The following ZNF385D variants were observed in gnomAD, a reference collection of about 807,000 sequenced individuals.
ZNF385D encodes the protein zinc finger protein 659.
Under a neutral mutation model 35.8 loss-of-function variants are expected in ZNF385D, and 15 were observed. The ratio of observed to expected loss-of-function variants is 0.42; its 90% CI spans 0.28 to 0.64. The LOEUF is 0.64. ZNF385D is among the 30% of genes least tolerant of loss of function. The probability of loss-of-function intolerance (pLI) is 0.23; values close to 1 mark genes in which losing one functional copy is unlikely to be tolerated. For missense variants in ZNF385D, 474 were observed against 494.6 expected (o/e 0.96, Z 0.39); for synonymous variants, 212 against 186.8 (o/e 1.13, Z -1.10).
chr3:22,082,826 A>C (rs2620553), intron 3 of ZNF385D, among the ~76,000 whole-genome samples: 97,373 of 151,994 alleles, frequency 0.64, 31,560 homozygotes, highest in Non-Finnish European at 0.68. Flanking sequence ...CTCATACAGC[A>C]AGATGCCCCT....
intron 4 of ZNF385D, among the ~76,000 whole-genome samples, chr3:21,476,007 A>C (rs529615592): frequency 3.3e-5 from 5 of 152,238 alleles, no homozygotes; most frequent in African/African-American, 1.2e-4. Context: ...GCTTTCTCAG[A>C]AGTTGCTGGT....
intron 3 of ZNF385D, among the ~76,000 whole-genome samples, chr3:22,042,833 T>C (rs755836912): frequency 2.0e-5 from 3 of 152,190 alleles, no homozygotes; most frequent in Non-Finnish European, 4.4e-5. Context: ...TCTCGACGTG[T>C]TTGGTTGTCT....
At chr3:21,532,962 A>G (rs1214139607) in intron 3 of ZNF385D, among the ~76,000 whole-genome samples, 1 of 152,220 alleles carries the variant, frequency 6.6e-6, no homozygotes, top group African/African-American at 2.4e-5. Context: ...ACTGCTTCAC[A>G]CAGGTCCAGA....
chr3:22,033,050 G>A (rs574136016), intron 3 of ZNF385D, among the ~76,000 whole-genome samples: 8 of 152,234 alleles, frequency 5.3e-5, no homozygotes, highest in South Asian at 4.1e-4. Flanking sequence ...TCAAGATTCC[G>A]AGATTGAATT....
chr3:21,507,059 A>T (rs1706821765), intron 4 of ZNF385D, among the ~76,000 whole-genome samples: 2 of 152,212 alleles, frequency 1.3e-5, no homozygotes, highest in African/African-American at 4.8e-5. Flanking sequence ...GGCAGCAGAT[A>T]AAACCTTATT....
chr3:22,322,247 T>C (rs1240447024), intron 2 of ZNF385D, among the ~76,000 whole-genome samples: 2 of 152,234 alleles, frequency 1.3e-5, no homozygotes, highest in African/African-American at 2.4e-5. Context: ...GTTTGGCATT[T>C]ATAGTCTTTC....
Position 22,345,835 on chromosome 3 carries a change from A to C in ZNF385D, c.106+26615T>G, listed in dbSNP as rs76738695. Among the ~76,000 whole-genome samples, 452 of 152,280 alleles carry C rather than the reference A, an allele frequency of 3.0e-3. 2 individuals carry two copies. Among genetic ancestry groups the C allele is most frequent in the African/African-American group, 0.01 (427 of 41,562 alleles). ...GGGTCTCTCAGATCTCGCAGTCTGC[A>C]TGCAATGACTGGTCAACATGAAGGT... On this transcript the variant is annotated intron_variant, in intron 2 of 5. Coordinates refer to the ZNF385D transcript ENST00000494108.
chr3:21,677,749 TAG>T (rs2066773680), intron 1 of ZNF385D, among the ~76,000 whole-genome samples: 1 of 151,896 alleles, frequency 6.6e-6, no homozygotes, highest in Non-Finnish European at 1.5e-5. Flanking sequence ...AAATTTTGAG[TAG>T]TTCATATATA....
At chr3:22,179,269 G>A (rs1328658022) in intron 2 of ZNF385D, among the ~76,000 whole-genome samples, 3 of 152,094 alleles carry the variant, frequency 2.0e-5, no homozygotes, top group Admixed American at 6.5e-5. Context: ...ATTGAGCAGT[G>A]GTTTGTAGTT....
At chr3:22,329,252 TC>T (rs59982427) in intron 2 of ZNF385D, among the ~76,000 whole-genome samples, 20,856 of 152,066 alleles carry the variant, frequency 0.14, 1,911 homozygotes, top group Non-Finnish European at 0.19. Context: ...ATTTGAAATA[TC>T]TTTTTTCTTA....
At chr3:21,860,805 T>C (rs183708451) in intron 3 of ZNF385D, among the ~76,000 whole-genome samples, 8 of 152,288 alleles carry the variant, frequency 5.3e-5, no homozygotes, top group Admixed American at 5.2e-4. Flanking sequence ...ATAAGGAATC[T>C]GAACATATGC....
At chr3:21,665,876 C>T (rs2066391067) in intron 1 of ZNF385D, among the ~76,000 whole-genome samples, 1 of 152,166 alleles carries the variant, frequency 6.6e-6, no homozygotes, top group Non-Finnish European at 1.5e-5. Flanking sequence ...TCCAAAACAT[C>T]AATTTGCTGT....
chr3:21,524,537 C>T (rs957759723), intron 3 of ZNF385D, among the ~76,000 whole-genome samples: 5 of 152,146 alleles, frequency 3.3e-5, no homozygotes, highest in Admixed American at 1.3e-4. Context: ...CTCTTTTCAT[C>T]CTCACACTAA....
At chr3:21,974,106 T>C (rs1023085058) in intron 3 of ZNF385D, among the ~76,000 whole-genome samples, 4 of 151,952 alleles carry the variant, frequency 2.6e-5, no homozygotes, top group Non-Finnish European at 4.4e-5. Flanking sequence ...AGTCCCAGAA[T>C]AGACAAAGCT....
chr3:22,111,094 A>C (rs1421201151), intron 3 of ZNF385D, among the ~76,000 whole-genome samples: 2 of 150,580 alleles, frequency 1.3e-5, no homozygotes, highest in African/African-American at 4.9e-5. Context: ...ACAAAGATTC[A>C]GCCTAAAATG....
chr3:21,542,080 C>T (rs76129571), intron 3 of ZNF385D, among the ~76,000 whole-genome samples: 4 of 151,972 alleles, frequency 2.6e-5, no homozygotes, highest in Admixed American at 1.3e-4. Context: ...AACTAAAACT[C>T]GGAGGCTTCT....
chr3:22,158,748 GAGA>G (rs529576816), intron 3 of ZNF385D, among the ~76,000 whole-genome samples: 140 of 152,032 alleles, frequency 9.2e-4, no homozygotes, highest in African/African-American at 2.8e-3. Context: ...CGGTGGTTAA[GAGA>G]AGGAGTGCCA....
chr3:22,301,365 T>C (rs965098592), intron 2 of ZNF385D, among the ~76,000 whole-genome samples: 1 of 152,042 alleles, frequency 6.6e-6, no homozygotes, highest in African/African-American at 2.4e-5. Context: ...TTTCACAAGA[T>C]GGTGACTATA....
At chr3:22,207,234 A>G (rs1435554755) in intron 2 of ZNF385D, among the ~76,000 whole-genome samples, 1 of 151,976 alleles carries the variant, frequency 6.6e-6, no homozygotes, top group Admixed American at 6.6e-5. Context: ...AAATAGACAC[A>G]CAGACCAATG....
Sources: allele counts gnomAD v4.1 joint callset (sites outside exome capture counted in the v4.1 genomes callset), GRCh38; gene constraint gnomAD v4.1.1; transcripts MANE v1.5; gene names NCBI Gene and HGNC (gene_info 2026-07-23, HGNC 2026-07-21).